Variants in POLR3G observed in about 807,000 individuals in gnomAD.
The protein encoded by POLR3G is RNA polymerase III subunit G.
Under a neutral mutation model 30.1 loss-of-function variants are expected in POLR3G, and 28 were observed. That is an observed-to-expected ratio of 0.93 (90% CI 0.69 to 1.27). The LOEUF (loss-of-function observed/expected upper bound fraction) is 1.27, where lower values mean the gene tolerates loss of function less well. Ranked by LOEUF, POLR3G falls within the 50% of genes most tolerant of loss-of-function variation. POLR3G has a pLI of 0.00. For synonymous variants in POLR3G, 79 were observed against 82.5 expected, an observed-to-expected ratio of 0.96 and a Z score of 0.23; for missense variants, 254 against 264.6, an observed-to-expected ratio of 0.96 and a Z score of 0.28.
intron 7 of POLR3G, among the ~76,000 whole-genome samples, chr5:90,507,850 G>T (rs1237439455): frequency 6.6e-6 from 1 of 152,086 alleles, no homozygotes; most frequent in African/African-American, 2.4e-5. Context: ...TCTCTGACAT[G>T]ATTGAAACTG....
chr5:90,477,132 G>C (rs776080410), intron 1 of POLR3G, among the ~76,000 whole-genome samples: 5 of 152,182 alleles, frequency 3.3e-5, no homozygotes, highest in Non-Finnish European at 5.9e-5. Flanking sequence ...AGTAGTACTT[G>C]GGAAACACAG....
At chr5:90,475,978 T>C (rs1255362352) in intron 1 of POLR3G, among the ~76,000 whole-genome samples, 18 of 152,212 alleles carry the variant, frequency 1.2e-4, no homozygotes, top group Non-Finnish European at 1.5e-5. Flanking sequence ...CCCAAAGTGC[T>C]GGGATTACAG....
At chr5:90,484,478 A>G (rs1417360868) in intron 1 of POLR3G, among the ~76,000 whole-genome samples, 1 of 152,232 alleles carries the variant, frequency 6.6e-6, no homozygotes, top group South Asian at 2.1e-4. Flanking sequence ...TAAAATTGAT[A>G]TAAAGACGTA....
At chr5:90,501,794 G>C in intron 5 of POLR3G, 112 bp from the exon 6 acceptor site, 2 of 1,150,688 alleles carry the variant, frequency 1.7e-6, no homozygotes, top group Non-Finnish European at 2.4e-6. Context: ...TGAAAACTAT[G>C]TGACTGCCTA....
rs115506583 is a variant in POLR3G, at chr5:90,484,909, A to G, written c.-43-616A>G. On this transcript the variant is annotated intron_variant, in intron 1 of 7. Transcript: ENST00000651687. ...TCTCATAGTATAATCAGAGGATTCA[A>G]ACGTTCAATACAACTTGCATATGTG... Among the ~76,000 whole-genome samples, 231 of 152,356 alleles carry G rather than the reference A, an allele frequency of 1.5e-3. 1 individual carries two copies. Among genetic ancestry groups the G allele is most frequent in the African/African-American group, 5.3e-3 (221 of 41,600 alleles).
chr5:90,474,062 C>T, upstream of POLR3G: 10 of 1,580,614 alleles, frequency 6.3e-6, no homozygotes, highest in Non-Finnish European at 8.6e-6. Context: ...CCACGGCAAG[C>T]AGTGGCCGGC....
chr5:90,488,635 A>G (rs1240050589), intron 3 of POLR3G, among the ~76,000 whole-genome samples: 1 of 152,040 alleles, frequency 6.6e-6, no homozygotes, highest in Non-Finnish European at 1.5e-5. Flanking sequence ...CTGCTTTTTA[A>G]ATATTATTTT....
At chr5:90,500,464 G>A (rs1395866586) in intron 5 of POLR3G, among the ~76,000 whole-genome samples, 4 of 152,082 alleles carry the variant, frequency 2.6e-5, no homozygotes, top group Non-Finnish European at 1.5e-5. Flanking sequence ...CTTAGAAAAA[G>A]ACTTCATGAT....
chr5:90,511,901 G>A (rs551778731), intron 7 of POLR3G, 152 bp from the exon 8 acceptor site: 7 of 594,622 alleles, frequency 1.2e-5, no homozygotes, highest in Non-Finnish European at 2.2e-5. Context: ...AGTGGAAGGT[G>A]GTGGTCTTAA....
Position 90,498,256 on chromosome 5 carries a change from C to T in POLR3G, c.355+550C>T, listed in dbSNP as rs77904571. On this transcript the variant is annotated intron_variant, in intron 5 of 7. Coordinates refer to ENST00000651687, the MANE Select transcript of POLR3G (RefSeq NM_006467.3). ...TTTTTTTTCTTAGTTGTTGCCTTTT[C>T]TTTGTGTATGTCTTATTTTTTAATT... 2.7e-3 allele frequency among the ~76,000 whole-genome samples: 408 copies of T among 151,190 alleles called. 1 individual carries two copies. The highest frequency in any genetic ancestry group is 9.6e-3 in the African/African-American group (394 of 41,184).
chr5:90,501,168 T>C (rs1265624818), intron 5 of POLR3G, among the ~76,000 whole-genome samples: 1 of 152,226 alleles, frequency 6.6e-6, no homozygotes, highest in Non-Finnish European at 1.5e-5. Flanking sequence ...TGCACTGTCA[T>C]CTCTTTCACC....
Position 90,513,450 on chromosome 5 carries a change from A to G in POLR3G, c.*1311A>G, listed in dbSNP as rs1245367375. 1 of 152,646 alleles carries G rather than the reference A, an allele frequency of 6.6e-6. No individual in the cohort carries two copies. Among genetic ancestry groups the G allele is most frequent in the Non-Finnish European group, 1.5e-5 (1 of 68,010 alleles). The allele number at this position is 152,646 out of a possible 1,614,324, so 9.5% of individuals were successfully genotyped here. On this transcript the variant is annotated 3_prime_UTR_variant, in exon 8 of 8. Transcript: ENST00000651687. ...CCATATGTATTCATTCTCTTGCCTT[A>G]AAGATCACTTCTTAACTTACATTTG...
intron 1 of POLR3G, among the ~76,000 whole-genome samples, chr5:90,476,186 A>C (rs955099886): frequency 6.6e-6 from 1 of 152,124 alleles, no homozygotes; most frequent in African/African-American, 2.4e-5. Flanking sequence ...CTCCTTTCCT[A>C]CCCTCCTAAA....
intron 3 of POLR3G, among the ~76,000 whole-genome samples, chr5:90,489,781 G>T (rs1261845459): frequency 2.0e-5 from 3 of 152,070 alleles, no homozygotes; most frequent in African/African-American, 7.2e-5. Flanking sequence ...GGTGAATGTG[G>T]TTGTTATTAA....
chr5:90,495,847 C>A (rs550150947), intron 4 of POLR3G, 114 bp downstream of exon 4: 6 of 1,309,876 alleles, frequency 4.6e-6, no homozygotes, highest in Non-Finnish European at 5.0e-6. Context: ...GAGTCTGGTT[C>A]TTTTATTGTG....
At chr5:90,491,782 A>G (rs781248056) in intron 3 of POLR3G, among the ~76,000 whole-genome samples, 2 of 152,104 alleles carry the variant, frequency 1.3e-5, no homozygotes, top group African/African-American at 4.8e-5. Context: ...TCTCATCACT[A>G]TTCATCAGAC....
intron 3 of POLR3G, chr5:90,490,468 A>G (rs6877680): frequency 0.67 from 144,381 of 216,212 alleles, 49,066 homozygotes; most frequent in African/African-American, 0.79. Flanking sequence ...GACAATCATA[A>G]CTCACTGCAG....
intron 3 of POLR3G, among the ~76,000 whole-genome samples, chr5:90,493,988 G>A (rs1751865549): frequency 6.6e-6 from 1 of 151,896 alleles, no homozygotes; most frequent in African/African-American, 2.4e-5. Flanking sequence ...TGGGATTACA[G>A]GTGTGAGCCA....
intron 1 of POLR3G, among the ~76,000 whole-genome samples, chr5:90,475,486 A>ATTATTTAT (rs535364801): frequency 1.4e-5 from 2 of 144,324 alleles, no homozygotes; most frequent in African/African-American, 5.0e-5. Flanking sequence ...TAATTTTATT[A>ATTATTTAT]TTATTTATTT....
Sources: gnomAD v4.1 joint callset for allele counts (sites outside exome capture counted in the v4.1 genomes callset) on GRCh38, gnomAD v4.1.1 for gene constraint, MANE v1.5 for transcripts, NCBI Gene and HGNC (gene_info 2026-07-23, HGNC 2026-07-21) for gene names.